The following QTMAN variants were observed in gnomAD, a reference collection of about 807,000 sequenced individuals.
QTMAN encodes the protein tRNA-queuosine alpha-mannosyltransferase.
chr2:144,121,741 G>A, the QTMAN span, among the ~76,000 whole-genome samples: 1 of 152,200 alleles, frequency 6.6e-6, no homozygotes, highest in African/African-American at 2.4e-5. Context: ...TTGCGGGGCT[G>A]TGCCAGCATG....
chr2:144,191,009 C>G, the QTMAN span, among the ~76,000 whole-genome samples: 9 of 152,282 alleles, frequency 5.9e-5, no homozygotes, highest in Middle Eastern at 3.4e-3. Context: ...ATAGAAAGTT[C>G]GTGTCTAATG....
the QTMAN span, among the ~76,000 whole-genome samples, chr2:144,100,870 T>C: frequency 7.0e-5 from 9 of 129,094 alleles, no homozygotes; most frequent in African/African-American, 2.4e-4. Flanking sequence ...TTTTTTTTTT[T>C]TTTTTTTTTT....
the QTMAN span, among the ~76,000 whole-genome samples, chr2:143,987,351 G>A: frequency 2.6e-5 from 4 of 152,212 alleles, no homozygotes; most frequent in Admixed American, 1.3e-4. Context: ...TCTAGACTCC[G>A]TGAATACAGG....
At chr2:144,047,678 A>C in the QTMAN span, among the ~76,000 whole-genome samples, 3 of 152,216 alleles carry the variant, frequency 2.0e-5, no homozygotes, top group Admixed American at 6.5e-5. Flanking sequence ...GCTGCTATCT[A>C]ATCATATTTT....
chr2:144,064,103 G>C, the QTMAN span, among the ~76,000 whole-genome samples: 1 of 152,048 alleles, frequency 6.6e-6, no homozygotes, highest in Non-Finnish European at 1.5e-5. Flanking sequence ...TTTCATTGAA[G>C]CATAAGAAGC....
At chr2:144,301,279 G>A in the QTMAN span, among the ~76,000 whole-genome samples, 1 of 152,170 alleles carries the variant, frequency 6.6e-6, no homozygotes, top group African/African-American at 2.4e-5. Flanking sequence ...CTGGAGTGCA[G>A]TAGCATGATC....
the QTMAN span, among the ~76,000 whole-genome samples, chr2:144,167,921 C>T: frequency 6.6e-6 from 1 of 152,074 alleles, no homozygotes; most frequent in Admixed American, 6.6e-5. Flanking sequence ...TTTTCTCTTA[C>T]CCTCCAACCC....
the QTMAN span, among the ~76,000 whole-genome samples, chr2:144,019,251 T>C: frequency 2.0e-5 from 3 of 152,216 alleles, no homozygotes; most frequent in Non-Finnish European, 2.9e-5. Flanking sequence ...CCTTGCCTTT[T>C]CAATTCCTAC....
chr2:144,218,842 A>G, the QTMAN span, among the ~76,000 whole-genome samples: 1 of 149,492 alleles, frequency 6.7e-6, no homozygotes, highest in Non-Finnish European at 1.5e-5. Context: ...GACTGGATTT[A>G]GTCACTTCTA....
the QTMAN span, among the ~76,000 whole-genome samples, chr2:144,053,810 C>A: frequency 6.6e-6 from 1 of 152,236 alleles, no homozygotes; most frequent in Admixed American, 6.5e-5. Flanking sequence ...CCTTAAGTCA[C>A]CCCACTCTGC....
the QTMAN span, among the ~76,000 whole-genome samples, chr2:144,198,644 C>T: frequency 1.3e-5 from 2 of 152,290 alleles, no homozygotes; most frequent in East Asian, 1.9e-4. Flanking sequence ...TTCAGTTACA[C>T]GACTCAATTA....
At chr2:144,109,871 C>T in the QTMAN span, among the ~76,000 whole-genome samples, 1 of 152,098 alleles carries the variant, frequency 6.6e-6, no homozygotes, top group African/African-American at 2.4e-5. Context: ...GAATGGTGAT[C>T]ATTAAAAGGT....
the QTMAN span, among the ~76,000 whole-genome samples, chr2:143,974,709 G>GTT: frequency 6.4e-4 from 95 of 148,310 alleles, no homozygotes; most frequent in Middle Eastern, 0.021. Context: ...CTTTCTTTTT[G>GTT]TTTTTTTTTG....
the QTMAN span, among the ~76,000 whole-genome samples, chr2:144,037,225 GAAC>G: frequency 5.3e-5 from 8 of 152,154 alleles, no homozygotes; most frequent in Non-Finnish European, 7.4e-5. Flanking sequence ...AATAGTGCTT[GAAC>G]AACAACGTGA....
At chr2:144,024,888 A>C in the QTMAN span, among the ~76,000 whole-genome samples, 2 of 152,208 alleles carry the variant, frequency 1.3e-5, no homozygotes, top group Non-Finnish European at 2.9e-5. Flanking sequence ...TACTATTTAA[A>C]AAGTAATATG....
At chr2:143,960,950 A>G in the QTMAN span, among the ~76,000 whole-genome samples, 1 of 152,176 alleles carries the variant, frequency 6.6e-6, no homozygotes, top group Non-Finnish European at 1.5e-5. Flanking sequence ...GCATTTTAAA[A>G]GCTGAGAAAT....
At chr2:144,311,799 C>A in the QTMAN span, among the ~76,000 whole-genome samples, 1 of 152,202 alleles carries the variant, frequency 6.6e-6, no homozygotes, top group African/African-American at 2.4e-5. Context: ...GTACCTATGT[C>A]ATTCTGCCAT....
the QTMAN span, among the ~76,000 whole-genome samples, chr2:144,303,956 T>C: frequency 6.6e-6 from 1 of 152,226 alleles, no homozygotes; most frequent in African/African-American, 2.4e-5. Flanking sequence ...CTGAGGTAGC[T>C]TAAGTTTATA....
At chr2:143,986,468 CA>C in the QTMAN span, among the ~76,000 whole-genome samples, 8 of 152,266 alleles carry the variant, frequency 5.3e-5, no homozygotes, top group African/African-American at 1.9e-4. Context: ...CCTCTTCCAC[CA>C]CCTTCTATGA....
Sources: gnomAD v4.1 joint callset for allele counts (sites outside exome capture counted in the v4.1 genomes callset) on GRCh38, gnomAD v4.1.1 for gene constraint, MANE v1.5 for transcripts, NCBI Gene and HGNC (gene_info 2026-07-23, HGNC 2026-07-21) for gene names.